The following COLEC12 variants were observed in gnomAD, a reference collection of about 807,000 sequenced individuals.
The protein encoded by COLEC12 is collectin subfamily member 12.
In COLEC12, 33 loss-of-function variants were observed where a neutral mutation model predicts 71.1. That is an observed-to-expected ratio of 0.46 (90% CI 0.35 to 0.62). The LOEUF (loss-of-function observed/expected upper bound fraction) is 0.62. Among genes scored for constraint, COLEC12 ranks in the 20% least tolerant of loss-of-function variants. The pLI is 0.00. For missense variants in COLEC12, 765 were observed against 916.1 expected (o/e 0.84, Z 2.13); for synonymous variants, 350 against 353.0 (o/e 0.99, Z 0.10).
rs1468523210 is a variant in COLEC12, at chr18:324,838, A to G, written c.2064-3031T>C. Among the ~76,000 whole-genome samples, 3 of 152,076 alleles carry G rather than the reference A, an allele frequency of 2.0e-5. No individual in the cohort carries two copies. The South Asian group carries it at 6.2e-4, about 32-fold the overall frequency. ...AGCGAGTCTCCATCTCAAAAGAAAA[A>G]AATAGGATTTAGAATATAGGACCAT... On this transcript the variant is annotated intron_variant, in intron 8 of 9. Coordinates refer to ENST00000400256, the MANE Select transcript of COLEC12 (RefSeq NM_130386.3).
chr18:395,753 T>C (rs1024444856), intron 2 of COLEC12, among the ~76,000 whole-genome samples: 1 of 152,176 alleles, frequency 6.6e-6, no homozygotes, highest in Admixed American at 6.5e-5. Context: ...CCAATGTTTC[T>C]TGTTAAAAGA....
At chr18:385,542 C>A (rs1915327628) in intron 2 of COLEC12, among the ~76,000 whole-genome samples, 1 of 152,030 alleles carries the variant, frequency 6.6e-6, no homozygotes, top group African/African-American at 2.4e-5. Flanking sequence ...TTAGGCTGGT[C>A]TCGAACTCCT....
chr18:440,905 C>T (rs887101218), intron 2 of COLEC12, among the ~76,000 whole-genome samples: 7 of 152,072 alleles, frequency 4.6e-5, no homozygotes, highest in Non-Finnish European at 8.8e-5. Flanking sequence ...GGGGAAATGT[C>T]ATGTTAGACG....
intron 2 of COLEC12, among the ~76,000 whole-genome samples, chr18:391,471 G>A (rs1242494733): frequency 3.3e-5 from 5 of 152,136 alleles, no homozygotes; most frequent in African/African-American, 7.2e-5. Flanking sequence ...ACTGAGGTCC[G>A]GAATCTCCTC....
intron 6 of COLEC12, 165 bp from the exon 7 acceptor site, chr18:333,308 T>G: frequency 1.7e-6 from 1 of 575,416 alleles, no homozygotes; most frequent in South Asian, 2.3e-5. Context: ...GCAGCAAGCA[T>G]GACCCAAAGT....
intron 2 of COLEC12, among the ~76,000 whole-genome samples, chr18:443,321 T>G (rs1259882828): frequency 6.6e-6 from 1 of 152,218 alleles, no homozygotes; most frequent in Non-Finnish European, 1.5e-5. Flanking sequence ...CTGGAAAAAT[T>G]GATACATCCA....
At chr18:483,765 C>T (rs1026892727) in intron 1 of COLEC12, among the ~76,000 whole-genome samples, 3 of 152,190 alleles carry the variant, frequency 2.0e-5, no homozygotes, top group Non-Finnish European at 4.4e-5. Flanking sequence ...GCTGCAGCCT[C>T]GTCTATTCTC....
intron 2 of COLEC12, among the ~76,000 whole-genome samples, chr18:389,873 G>A (rs962602504): frequency 2.0e-5 from 3 of 152,084 alleles, no homozygotes; most frequent in East Asian, 1.9e-4. Flanking sequence ...AAACATTAGC[G>A]GCTTTCTCGT....
chr18:442,885 C>G (rs566719828), intron 2 of COLEC12, among the ~76,000 whole-genome samples: 1 of 152,112 alleles, frequency 6.6e-6, no homozygotes, highest in Non-Finnish European at 1.5e-5. Context: ...GGCGTGAACC[C>G]GGGAGGTGGA....
intron 2 of COLEC12, among the ~76,000 whole-genome samples, chr18:432,346 CAG>C (rs1446872245): frequency 1.3e-5 from 2 of 152,032 alleles, no homozygotes; most frequent in Non-Finnish European, 1.5e-5. Flanking sequence ...AAAGAGGAAA[CAG>C]AGCATGGTGG....
At chr18:364,011 C>A (rs879803714) in intron 2 of COLEC12, among the ~76,000 whole-genome samples, 5 of 152,102 alleles carry the variant, frequency 3.3e-5, no homozygotes, top group Non-Finnish European at 7.4e-5. Context: ...TGTGTTCAAA[C>A]CGGAAAAGTT....
chr18:496,344 C>G (rs1917712343), intron 1 of COLEC12, among the ~76,000 whole-genome samples: 2 of 152,080 alleles, frequency 1.3e-5, no homozygotes, highest in African/African-American at 2.4e-5. Flanking sequence ...GTATACTTAG[C>G]AATAATTAAA....
chr18:483,245 T>A (rs1290651670), intron 1 of COLEC12, among the ~76,000 whole-genome samples: 1 of 151,654 alleles, frequency 6.6e-6, no homozygotes, highest in Non-Finnish European at 1.5e-5. Flanking sequence ...ACTAAAAATA[T>A]AAAAATTAGC....
chr18:332,583 C>T (rs950974813), intron 7 of COLEC12, among the ~76,000 whole-genome samples: 1 of 152,180 alleles, frequency 6.6e-6, no homozygotes, highest in African/African-American at 2.4e-5. Flanking sequence ...TGGACACTAG[C>T]ATTAGCATGC....
At chr18:416,946 G>A (rs1056148000) in intron 2 of COLEC12, among the ~76,000 whole-genome samples, 2 of 151,960 alleles carry the variant, frequency 1.3e-5, no homozygotes, top group African/African-American at 4.8e-5. Context: ...GCATGGGCAA[G>A]GGCATGGATG....
rs1917800017 is a variant in COLEC12, at chr18:500,426, C to T, written c.7+82G>A. 3 of 768,832 alleles carry T rather than the reference C, an allele frequency of 3.9e-6. No homozygotes were observed. The highest frequency in any genetic ancestry group is 1.1e-4 in the East Asian group (1 of 8,812). The allele number at this position is 768,832 out of a possible 1,614,324, so 47.6% of individuals were successfully genotyped here. ...CCCGCAGCCCAAGGGAAGGTTCGCG[C>T]GGGAGGCACCTCCGTGGCCTCCCGC... On this transcript the variant is annotated intron_variant, in intron 1 of 9. Transcript: ENST00000400256. The surrounding 1 kb of genome is among the most constrained non-coding windows in gnomAD (Gnocchi z 5.3).
At chr18:449,740 C>G (rs775310549) in intron 2 of COLEC12, among the ~76,000 whole-genome samples, 1 of 152,166 alleles carries the variant, frequency 6.6e-6, no homozygotes, top group South Asian at 2.1e-4. Context: ...GGCAGGGACA[C>G]GAGAGCCAGG....
chr18:486,653 G>A (rs1028395232), intron 1 of COLEC12, among the ~76,000 whole-genome samples: 3 of 152,222 alleles, frequency 2.0e-5, no homozygotes, highest in African/African-American at 7.2e-5. Flanking sequence ...GTACACTCAT[G>A]AAACTGAAGC....
intron 2 of COLEC12, among the ~76,000 whole-genome samples, chr18:388,127 A>C (rs370329652): frequency 1.3e-5 from 2 of 152,226 alleles, no homozygotes; most frequent in African/African-American, 4.8e-5. Flanking sequence ...AACAGCCCCA[A>C]CTAGACAGCA....
Sources: allele counts gnomAD v4.1 joint callset (sites outside exome capture counted in the v4.1 genomes callset), GRCh38; gene constraint gnomAD v4.1.1; non-coding constraint Gnocchi (gnomAD v3.1); transcripts MANE v1.5; gene names NCBI Gene and HGNC (gene_info 2026-07-23, HGNC 2026-07-21).